Variants in UBOX5 observed in about 807,000 individuals in gnomAD.
The protein encoded by UBOX5 is RING finger protein 37.
Under a neutral mutation model 39.0 loss-of-function variants are expected in UBOX5, and 28 were observed. That is an observed-to-expected ratio of 0.72 (90% confidence interval 0.53 to 0.98). The LOEUF (loss-of-function observed/expected upper bound fraction) is 0.98, where lower values mean the gene tolerates loss of function less well. Among genes scored for constraint, UBOX5 ranks in the 50% least tolerant of loss-of-function variants. The pLI is 0.00. For missense variants in UBOX5, 585 were observed against 674.4 expected, an observed-to-expected ratio of 0.87 and a Z score of 1.47; for synonymous variants, 283 against 275.5, an observed-to-expected ratio of 1.03 and a Z score of -0.27.
At chr20:3,147,961 G>T in intron 1 of UBOX5, 1 of 1,614,182 alleles carries the variant, frequency 6.2e-7, no homozygotes, top group Admixed American at 1.7e-5. Flanking sequence ...TGAAATTGAT[G>T]TGATCCACGT....
chr20:3,140,893 A>AT (rs11365727), intron 1 of UBOX5, among the ~76,000 whole-genome samples: 71 of 86,092 alleles, frequency 8.2e-4, no homozygotes, highest in Middle Eastern at 8.1e-3. Context: ...TCTCCCATCT[A>AT]TTTTTTTTTT....
At chr20:3,145,242 T>G (rs2066550249) in intron 1 of UBOX5, among the ~76,000 whole-genome samples, 1 of 151,902 alleles carries the variant, frequency 6.6e-6, no homozygotes, top group African/African-American at 2.4e-5. Context: ...AGTCTTGACC[T>G]TCTAAACTAC....
intron 3 of UBOX5, among the ~76,000 whole-genome samples, chr20:3,117,858 G>A (rs2066305418): frequency 6.6e-6 from 1 of 151,944 alleles, no homozygotes; most frequent in African/African-American, 2.4e-5. Flanking sequence ...CAGGCATGGT[G>A]GCGAGCGCCT....
chr20:3,135,436 A>G (rs189903985), intron 1 of UBOX5, among the ~76,000 whole-genome samples: 3 of 152,332 alleles, frequency 2.0e-5, no homozygotes, highest in East Asian at 3.9e-4. Context: ...GATGCTGAAC[A>G]TGCCACTTAG....
intron 1 of UBOX5, among the ~76,000 whole-genome samples, chr20:3,130,333 CTTT>C (rs5839987): frequency 8.5e-4 from 112 of 132,206 alleles, no homozygotes; most frequent in African/African-American, 9.4e-4. Flanking sequence ...TTGTTTATGC[CTTT>C]TTTTTTTTTT....
intron 1 of UBOX5, among the ~76,000 whole-genome samples, chr20:3,132,225 A>G (rs1478905250): frequency 1.4e-5 from 2 of 147,726 alleles, no homozygotes; most frequent in African/African-American, 5.0e-5. Context: ...CAGGAGAATC[A>G]CTTGAGCCCA....
chr20:3,133,759 G>GT (rs1033972036), intron 1 of UBOX5, among the ~76,000 whole-genome samples: 9 of 150,252 alleles, frequency 6.0e-5, no homozygotes, highest in Admixed American at 2.0e-4. Flanking sequence ...TTTTTTTTGG[G>GT]GGGGGGAAAC....
chr20:3,148,758 C>T (rs2066594530), intron 1 of UBOX5: 3 of 1,614,138 alleles, frequency 1.9e-6, no homozygotes, highest in Non-Finnish European at 1.7e-6. Flanking sequence ...ACTTCTACGT[C>T]CTCTTCATCA....
At position 3,123,313 on chromosome 20, in the gene UBOX5, T is replaced by C. The variant is rs187028562; in HGVS notation, c.53A>G (p.Lys18Arg). Residue 18 changes from lysine to arginine, a missense_variant and splice_region_variant, in exon 2 of 5, where the codon AAG (lysine) becomes AGG (arginine). By Grantham distance (26) the Lys-to-Arg change is conservative (BLOSUM62 2). Transcript: ENST00000217173. ...PQFRPRIHCN[K>R]ISADGYEVEN... ...TGTGTATATATTTGTTTTGTTTACC[T>C]TGTTGCAGTGAATTCTTGGTCTGAA... 9.6e-5 allele frequency: 155 copies of C among 1,613,812 alleles called. 3 individuals carry two copies. The East Asian group carries it at 3.5e-3, about 36-fold the overall frequency.
chr20:3,143,914 C>T (rs979865735), intron 1 of UBOX5, among the ~76,000 whole-genome samples: 2 of 152,174 alleles, frequency 1.3e-5, no homozygotes, highest in African/African-American at 4.8e-5. Context: ...GCTACGATCA[C>T]ATCATTGCAC....
In UBOX5 at chr20:3,138,249, C is replaced by T. The variant is rs963614740; in HGVS notation, c.-41-14843G>A. 4.0e-5 allele frequency among the ~76,000 whole-genome samples: 6 copies of T among 150,254 alleles called. No homozygotes were observed. The Admixed American group carries it at 4.0e-4, about 10-fold the overall frequency. On this transcript the variant is annotated intron_variant, in intron 1 of 4. Transcript: ENST00000217173. ...GATCACACCACTGCACTCCATCCAG[C>T]CTGGGCGACAGAGGGAGACTGTCTC...
At chr20:3,114,863 G>T (rs910592474) in intron 4 of UBOX5, among the ~76,000 whole-genome samples, 1 of 152,108 alleles carries the variant, frequency 6.6e-6, no homozygotes, top group Non-Finnish European at 1.5e-5. Flanking sequence ...CAGGAGAATA[G>T]CTTGAATCCA....
At chr20:3,147,685 C>T (rs780054379) in intron 1 of UBOX5, 1 of 1,614,234 alleles carries the variant, frequency 6.2e-7, no homozygotes, top group Admixed American at 1.7e-5. Context: ...TGAATTCAGG[C>T]ATCTTTCTGT....
At position 3,121,695 on chromosome 20, in the gene UBOX5, T is replaced by G. The variant is rs199678401; in HGVS notation, c.944A>C (p.His315Pro). 1.2e-6 allele frequency: 2 copies of G among 1,613,304 alleles called. No individual in the cohort carries two copies. The highest frequency in any genetic ancestry group is 2.2e-5 in the South Asian group (2 of 91,024). The change falls in exon 3 of 5, where the codon CAC (histidine) becomes CCC (proline). Residue 315 changes from histidine (H) to proline (P), a missense_variant. Coordinates refer to ENST00000217173, the MANE Select transcript of UBOX5 (RefSeq NM_014948.4). ...GGAGGGGTGAGGCAGGGGCTGAGAG[T>G]GCGGAGTAAAAGCTACCCCCGTGAA... is the stretch of plus-strand genomic sequence containing the variant. The part of the protein sequence containing the change: ...DPFTGVAFTP[H>P]SQPLPHPSLK...
At chr20:3,152,985 G>A (rs2066647605) in intron 1 of UBOX5, among the ~76,000 whole-genome samples, 2 of 151,938 alleles carry the variant, frequency 1.3e-5, no homozygotes, top group Non-Finnish European at 1.5e-5. Flanking sequence ...ATAGTAAAGC[G>A]AAAAACAGAA....
Position 3,113,873 on chromosome 20 carries a change from C to T in UBOX5, c.1417+1432G>A, listed in dbSNP as rs145447633. 7.6e-3 allele frequency among the ~76,000 whole-genome samples: 1,151 copies of T among 152,316 alleles called. 18 individuals carry two copies. The highest frequency in any genetic ancestry group is 0.026 in the African/African-American group (1,094 of 41,574). On this transcript the variant is annotated intron_variant, in intron 4 of 4. Coordinates refer to ENST00000217173, the MANE Select transcript of UBOX5 (RefSeq NM_014948.4). ...CTGAGCCTGGCCATGATGGCTCATGCCTGTATTCCCAGCACTTTGGGAGGC... is the reference window on the plus strand; with the variant it reads ...CTGAGCCTGGCCATGATGGCTCATGTCTGTATTCCCAGCACTTTGGGAGGC...
Position 3,122,015 on chromosome 20 carries a change from G to A in UBOX5, c.624C>T (p.Ser208=). The A allele has an allele frequency of 6.2e-7, 1 of 1,614,242 alleles. No homozygotes were observed. The highest frequency in any genetic ancestry group is 2.2e-5 in the East Asian group (1 of 44,886). ...AKTCSQEVID[S]ILLVTSENLP... is the part of the protein sequence containing the mutation. The stretch of plus-strand genomic sequence containing the variant: ...GGTTCTCTGAGGTGACCAGCAGGAT[G>A]CTGTCTATCACTTCCTGGGAGCAGG... Residue 208 remains serine (S), a synonymous_variant, in exon 3 of 5, where the codon AGC becomes AGT. Coordinates refer to ENST00000217173, the MANE Select transcript of UBOX5 (RefSeq NM_014948.4).
chr20:3,132,616 C>T (rs1454413698), intron 1 of UBOX5, among the ~76,000 whole-genome samples: 1 of 151,758 alleles, frequency 6.6e-6, no homozygotes, highest in Admixed American at 6.6e-5. Context: ...GTCAGGAGTT[C>T]GAGACCAGTC....
chr20:3,131,760 G>A (rs983632868), intron 1 of UBOX5, among the ~76,000 whole-genome samples: 2 of 152,174 alleles, frequency 1.3e-5, no homozygotes, highest in African/African-American at 4.8e-5. Flanking sequence ...TATAATCCCA[G>A]CACTTTGGGA....
Sources: gnomAD v4.1 joint callset for allele counts (sites outside exome capture counted in the v4.1 genomes callset) on GRCh38, gnomAD v4.1.1 for gene constraint, MANE v1.5 for transcripts, NCBI Gene and HGNC (gene_info 2026-07-23, HGNC 2026-07-21) for gene names.